Variants in LRMDA observed in about 807,000 individuals in gnomAD.
LRMDA encodes the protein leucine-rich melanocyte differentiation-associated protein.
A neutral mutation model predicts 29.8 loss-of-function variants in LRMDA; 18 were observed. The ratio of observed to expected loss-of-function variants is 0.60; its 90% confidence interval spans 0.42 to 0.90. The LOEUF is 0.90. LRMDA is among the 40% of genes least tolerant of loss of function. The pLI is 0.00. For missense variants in LRMDA, 273 were observed against 273.9 expected (o/e 1.00, Z 0.02); for synonymous variants, 125 against 109.4 (o/e 1.14, Z -0.89).
intron 2 of LRMDA, among the ~76,000 whole-genome samples, chr10:75,740,789 T>A (rs918044357): frequency 1.6e-4 from 25 of 152,146 alleles, no homozygotes; most frequent in Admixed American, 1.3e-4. Context: ...TGATTCAATT[T>A]CTAATAATTC....
chr10:76,071,166 A>G (rs1025395129), intron 5 of LRMDA, among the ~76,000 whole-genome samples: 3 of 152,176 alleles, frequency 2.0e-5, no homozygotes, highest in African/African-American at 7.2e-5. Context: ...AGAATTTGTC[A>G]TTGGAATCAG....
chr10:75,771,445 G>A (rs941658111), intron 2 of LRMDA, among the ~76,000 whole-genome samples: 1 of 152,182 alleles, frequency 6.6e-6, no homozygotes, highest in African/African-American at 2.4e-5. Flanking sequence ...ACCTGGGGAG[G>A]AACATTCCCG....
chr10:75,859,884 T>C (rs2132320584), intron 2 of LRMDA, among the ~76,000 whole-genome samples: 1 of 152,316 alleles, frequency 6.6e-6, no homozygotes, highest in South Asian at 2.1e-4. Context: ...TTTTAGGCCT[T>C]GATCCATTGA....
intron 5 of LRMDA, among the ~76,000 whole-genome samples, chr10:76,294,926 C>T (rs1349589450): frequency 6.6e-6 from 1 of 152,182 alleles, no homozygotes; most frequent in Non-Finnish European, 1.5e-5. Context: ...GTTCACCCAT[C>T]ATCTAGAGGA....
At chr10:76,147,361 T>C (rs1415895127) in intron 5 of LRMDA, among the ~76,000 whole-genome samples, 1 of 152,142 alleles carries the variant, frequency 6.6e-6, no homozygotes, top group African/African-American at 2.4e-5. Flanking sequence ...TAGTCCCATA[T>C]TTCTTGGAGG....
intron 5 of LRMDA, among the ~76,000 whole-genome samples, chr10:76,190,730 A>G (rs1206954262): frequency 6.6e-6 from 1 of 152,178 alleles, no homozygotes; most frequent in Non-Finnish European, 1.5e-5. Flanking sequence ...CAGAGGGGGA[A>G]AGAGGGTATT....
intron 5 of LRMDA, among the ~76,000 whole-genome samples, chr10:76,171,468 AAGG>A (rs982828848): frequency 6.6e-6 from 1 of 152,160 alleles, no homozygotes; most frequent in Non-Finnish European, 1.5e-5. Context: ...AAGGAAAGGG[AAGG>A]AGGCCTTTCT....
At chr10:76,156,035 C>T (rs1188008019) in intron 5 of LRMDA, among the ~76,000 whole-genome samples, 1 of 151,634 alleles carries the variant, frequency 6.6e-6, no homozygotes, top group Non-Finnish European at 1.5e-5. Flanking sequence ...CTTCCTTTAA[C>T]AGGAAAAAAA....
chr10:75,852,607 G>C (rs981412499), intron 2 of LRMDA, among the ~76,000 whole-genome samples: 7 of 152,108 alleles, frequency 4.6e-5, no homozygotes, highest in African/African-American at 1.7e-4. Flanking sequence ...CCAGCTTTGA[G>C]ATGTGATCCT....
chr10:75,707,981 C>T (rs1842390371), intron 2 of LRMDA, among the ~76,000 whole-genome samples: 1 of 152,146 alleles, frequency 6.6e-6, no homozygotes, highest in South Asian at 2.1e-4. Context: ...AGTCCTAGTT[C>T]CTGGGTCCTG....
chr10:76,135,474 G>T (rs1218714275), intron 5 of LRMDA, among the ~76,000 whole-genome samples: 2 of 152,172 alleles, frequency 1.3e-5, no homozygotes, highest in Admixed American at 1.3e-4. Context: ...TATTCATTTT[G>T]AAAGGTTTGA....
At chr10:76,010,682 TC>T (rs1847764103) in intron 2 of LRMDA, among the ~76,000 whole-genome samples, 1 of 152,066 alleles carries the variant, frequency 6.6e-6, no homozygotes, top group Non-Finnish European at 1.5e-5. Flanking sequence ...ACCCTCCCAC[TC>T]CCCCTCTCAT....
chr10:75,754,213 A>G (rs1842999855), intron 2 of LRMDA, among the ~76,000 whole-genome samples: 1 of 152,166 alleles, frequency 6.6e-6, no homozygotes, highest in African/African-American at 2.4e-5. Context: ...GGTCTAGGTT[A>G]TACCCTGTGA....
intron 6 of LRMDA, among the ~76,000 whole-genome samples, chr10:76,366,140 A>G (rs962740992): frequency 1.3e-5 from 2 of 152,158 alleles, no homozygotes; most frequent in South Asian, 2.1e-4. Context: ...TTTGATGACT[A>G]TGGCCTTATA....
intron 2 of LRMDA, among the ~76,000 whole-genome samples, chr10:75,560,972 C>G (rs886708243): frequency 0.014 from 2,106 of 150,762 alleles, 45 homozygotes; most frequent in African/African-American, 0.045. Flanking sequence ...CAATGTTCAT[C>G]AAGGATATTG....
intron 2 of LRMDA, among the ~76,000 whole-genome samples, chr10:75,570,163 G>A (rs1840420792): frequency 6.6e-6 from 1 of 152,196 alleles, no homozygotes; most frequent in South Asian, 2.1e-4. Flanking sequence ...CGTTAGGCAA[G>A]TCACTAAGTC....
At chr10:75,582,257 G>T (rs1288208761) in intron 2 of LRMDA, among the ~76,000 whole-genome samples, 1 of 152,198 alleles carries the variant, frequency 6.6e-6, no homozygotes, top group Non-Finnish European at 1.5e-5. Context: ...CCTAGTAGAG[G>T]TTCTCCATGA....
intron 5 of LRMDA, among the ~76,000 whole-genome samples, chr10:76,200,666 C>T (rs1485155459): frequency 6.6e-6 from 1 of 151,812 alleles, no homozygotes; most frequent in Non-Finnish European, 1.5e-5. Context: ...GATAGCATGC[C>T]ACATATTACC....
chr10:75,941,703 G>A (rs1304298779), intron 2 of LRMDA, among the ~76,000 whole-genome samples: 1 of 152,134 alleles, frequency 6.6e-6, no homozygotes, highest in Non-Finnish European at 1.5e-5. Flanking sequence ...GGTAGCTTCA[G>A]GAAGCCCCCA....
Sources: allele counts gnomAD v4.1 joint callset (sites outside exome capture counted in the v4.1 genomes callset), GRCh38; gene constraint gnomAD v4.1.1; transcripts MANE v1.5; gene names NCBI Gene and HGNC (gene_info 2026-07-23, HGNC 2026-07-21).